The following DNAH17 variants were observed in gnomAD, a reference collection of about 807,000 sequenced individuals.
DNAH17 encodes axonemal beta dynein heavy chain 17.
A neutral mutation model predicts 485.6 loss-of-function variants in DNAH17; 376 were observed. That is an observed-to-expected ratio of 0.77 (90% CI 0.71 to 0.84). The LOEUF is 0.84. Among genes scored for constraint, DNAH17 ranks in the 40% least tolerant of loss-of-function variants. The pLI is 0.00. For missense variants in DNAH17, 6,370 were observed against 5,839.3 expected, an observed-to-expected ratio of 1.09 and a Z score of -2.96; for synonymous variants, 3,031 against 2,405.9, an observed-to-expected ratio of 1.26 and a Z score of -7.60.
chr17:78,529,773 G>A, intron 21 of DNAH17, 79 bp from the exon 22 acceptor site: 5 of 1,452,614 alleles, frequency 3.4e-6, no homozygotes, highest in Non-Finnish European at 4.7e-6. Flanking sequence ...CCATGAGAGG[G>A]GGACGACCGC....
intron 26 of DNAH17, among the ~76,000 whole-genome samples, chr17:78,514,388 C>T (rs1262392226): frequency 1.3e-5 from 2 of 151,140 alleles, no homozygotes; most frequent in Non-Finnish European, 1.5e-5. Context: ...GCCTGTGGTC[C>T]CAGCTACTTG....
chr17:78,539,727 G>A lies in DNAH17; in HGVS notation c.2676+10C>T, dbSNP rs1165727738. ...ATACATAAATATATTACCTTATGTT[G>A]ATAACTTACATCTATAACCATGTTG... On this transcript the variant is annotated intron_variant, in intron 18 of 80. Transcript: ENST00000389840. 6.3e-7 allele frequency: 1 copy of A among 1,598,878 alleles called. No homozygotes were observed.
chr17:78,491,559 TGGA>T lies in DNAH17; in HGVS notation c.6550_6552del (p.Ser2184del), dbSNP rs2089858362. On this transcript the variant is annotated inframe_deletion, in exon 43 of 81. Transcript: ENST00000389840. The stretch of plus-strand genomic sequence containing the variant: ...ATGTTGGCCAGGTCTCGCATGATGG[TGGA>T]GAACAGGCCTGGGGGAGGCGCGTGG... 1 of 1,613,930 alleles carries T rather than the reference TGGA, an allele frequency of 6.2e-7. No homozygotes were observed. Among genetic ancestry groups the T allele is most frequent in the Non-Finnish European group, 8.5e-7 (1 of 1,179,912 alleles).
intron 75 of DNAH17, among the ~76,000 whole-genome samples, chr17:78,430,432 G>T (rs575848833): frequency 6.6e-6 from 1 of 152,284 alleles, no homozygotes; most frequent in African/African-American, 2.4e-5. Flanking sequence ...CCTGAAGGGC[G>T]AGGCAGATGT....
chr17:78,568,511 CA>C (rs1205392329), intron 9 of DNAH17, among the ~76,000 whole-genome samples: 1 of 152,160 alleles, frequency 6.6e-6, no homozygotes, highest in African/African-American at 2.4e-5. Context: ...GCAGAAGATA[CA>C]AAAGGCAAAA....
At chr17:78,469,477 C>T (rs12951225) in intron 54 of DNAH17, among the ~76,000 whole-genome samples, 1,720 of 152,262 alleles carry the variant, frequency 0.011, 11 homozygotes, top group Admixed American at 0.024. Flanking sequence ...AGGCCAGGTG[C>T]GGTGGCTCAT....
chr17:78,493,789 C>G (rs1332327095), intron 41 of DNAH17, among the ~76,000 whole-genome samples: 1 of 152,224 alleles, frequency 6.6e-6, no homozygotes, highest in Non-Finnish European at 1.5e-5. Context: ...GAGAGAAGAG[C>G]AGGAAGACAA....
intron 25 of DNAH17, among the ~76,000 whole-genome samples, chr17:78,520,955 C>T (rs1013830895): frequency 3.9e-5 from 6 of 152,146 alleles, no homozygotes; most frequent in Admixed American, 2.0e-4. Flanking sequence ...TGGGAGGAAT[C>T]GCTCTGATAA....
intron 17 of DNAH17, 107 bp downstream of exon 17, chr17:78,543,750 G>T (rs774725566): frequency 6.5e-7 from 1 of 1,528,490 alleles, no homozygotes; most frequent in Non-Finnish European, 9.0e-7. Context: ...ATGACTACAA[G>T]AAATGTGTCA....
intron 25 of DNAH17, chr17:78,522,757 C>T (rs368613618): frequency 5.1e-4 from 111 of 219,000 alleles, no homozygotes; most frequent in African/African-American, 1.6e-3. Context: ...ACAATAATGC[C>T]GAAAAAGTGG....
chr17:78,444,274 C>T (rs1038406172), intron 71 of DNAH17, among the ~76,000 whole-genome samples: 8 of 152,162 alleles, frequency 5.3e-5, no homozygotes, highest in African/African-American at 1.9e-4. Context: ...GGAGTCTTTT[C>T]TTCCTATCAT....
chr17:78,566,563 C>G, intron 11 of DNAH17, 51 bp downstream of exon 11: 1 of 1,323,084 alleles, frequency 7.6e-7, no homozygotes, highest in Non-Finnish European at 1.1e-6. Context: ...CATGAATCCA[C>G]CACCACAGTG....
chr17:78,501,647 G>A (rs1327365717), intron 34 of DNAH17, 95 bp downstream of exon 34: 2 of 1,499,192 alleles, frequency 1.3e-6, no homozygotes, highest in Non-Finnish European at 9.0e-7. Flanking sequence ...GCCCCAGGAA[G>A]AGGAAGTGGC....
In DNAH17 at chr17:78,510,440, C is replaced by G. The variant is rs751005013; in HGVS notation, c.4180G>C (p.Glu1394Gln). Residue 1394 changes from glutamate (E) to glutamine (Q), a missense_variant, in exon 27 of 81, where the codon GAG becomes CAG. Coordinates refer to ENST00000389840, the MANE Select transcript of DNAH17 (RefSeq NM_173628.4). ...DLLQLNLHSY[E>Q]DEVRNIVDKA... ...TCCACGATGTTGCGGACCTCATCCTCGTAACTGTGGAGGTTCAGCTGCAGT... is the reference window on the plus strand; with the variant it reads ...TCCACGATGTTGCGGACCTCATCCTGGTAACTGTGGAGGTTCAGCTGCAGT... The G allele has an allele frequency of 2.5e-6, 4 of 1,613,718 alleles. No individual in the cohort carries two copies. The highest frequency in any genetic ancestry group is 1.1e-5 in the South Asian group (1 of 91,072).
chr17:78,499,188 G>C (rs1490353337), intron 36 of DNAH17, 76 bp from the exon 37 acceptor site: 1 of 1,045,642 alleles, frequency 9.6e-7, no homozygotes, highest in Non-Finnish European at 1.3e-6. Flanking sequence ...GCCTCCCCCT[G>C]CCTCTTCGGC....
Position 78,437,923 on chromosome 17 carries a change from GGA to G in DNAH17, c.11806-57_11806-56del, listed in dbSNP as rs1598447293. On this transcript the variant is annotated intron_variant, in intron 73 of 80. Coordinates refer to ENST00000389840, the MANE Select transcript of DNAH17 (RefSeq NM_173628.4). ...ACTTTGCCCAGCTCCTGGCCCACGA[GGA>G]GAGACTGGCACGTGGCTATGTTCCC... is the stretch of plus-strand genomic sequence containing the variant. The G allele has an allele frequency of 5.9e-6, 8 of 1,361,006 alleles. No homozygotes were observed. In the East Asian group the frequency reaches 1.9e-4, roughly 32 times the overall value. 84.3% of individuals were successfully genotyped at this position (1,361,006 alleles called of 1,614,324 possible). A position where few individuals can be genotyped will look rare whatever the true frequency, so the allele number is the denominator to read the frequency against.
chr17:78,467,723 C>G (rs2088543729), intron 55 of DNAH17, among the ~76,000 whole-genome samples: 1 of 152,116 alleles, frequency 6.6e-6, no homozygotes, highest in Admixed American at 6.5e-5. Flanking sequence ...GGAGTTTAGC[C>G]TGCTTACCCT....
At chr17:78,531,046 C>A (rs372817521) in intron 20 of DNAH17, among the ~76,000 whole-genome samples, 2 of 152,188 alleles carry the variant, frequency 1.3e-5, no homozygotes, top group Non-Finnish European at 2.9e-5. Context: ...TGTTCTGTAG[C>A]TGTCTGTTGG....
At chr17:78,457,656 GCTT>G in intron 62 of DNAH17, among the ~76,000 whole-genome samples, 1 of 121,082 alleles carries the variant, frequency 8.3e-6, no homozygotes, top group Non-Finnish European at 1.6e-5. Flanking sequence ...GCCGTGCCTG[GCTT>G]TTTTTTTTTT....
Sources: gnomAD v4.1 joint callset for allele counts (sites outside exome capture counted in the v4.1 genomes callset) on GRCh38, gnomAD v4.1.1 for gene constraint, MANE v1.5 for transcripts, NCBI Gene and HGNC (gene_info 2026-07-23, HGNC 2026-07-21) for gene names.